Variants in STRN3 observed in about 807,000 individuals in gnomAD.
STRN3 encodes striatin-3.
Under a neutral mutation model 95.6 loss-of-function variants are expected in STRN3, and 29 were observed. The observed-to-expected ratio is 0.30, with a 90% CI of 0.23 to 0.41. STRN3 has a LOEUF of 0.41. Among genes scored for constraint, STRN3 ranks in the 10% least tolerant of loss-of-function variants. The probability of loss-of-function intolerance (pLI) is 1.00; values close to 1 mark genes in which losing one functional copy is unlikely to be tolerated. For synonymous variants in STRN3, 331 were observed against 357.6 expected (o/e 0.93, Z 0.84); for missense variants, 890 against 972.1 (o/e 0.92, Z 1.12).
chr14:31,017,123 C>CA (rs1883275811), intron 1 of STRN3, among the ~76,000 whole-genome samples: 1 of 152,076 alleles, frequency 6.6e-6, no homozygotes, highest in South Asian at 2.1e-4. Flanking sequence ...TACTGCACTC[C>CA]AGCCTGGGTG....
At position 30,919,005 on chromosome 14, in the gene STRN3, T is replaced by C. The variant is rs371798529; in HGVS notation, c.1201A>G (p.Thr401Ala). Residue 401 changes from threonine to alanine, a missense_variant, in exon 9 of 18, where the codon ACT becomes GCT. This residue lies in a region of STRN3 where 526 missense variants were observed against 526.3 expected (regional missense o/e 1.00). Transcript: ENST00000357479. ...GCACCTTCATGATCAGTCATTCTAG[T>C]AGAGGCTGACCTAGACTGATTAATG... Reference protein sequence around the residue: ...GIINQSRSASTRMTDHEGARA... With the variant: ...GIINQSRSASARMTDHEGARA... 4 of 1,606,402 alleles carry C rather than the reference T, an allele frequency of 2.5e-6. No homozygotes were observed. In the African/African-American group the frequency reaches 4.0e-5, roughly 16 times the overall value.
chr14:31,013,890 ATTATTATTATT>A (rs1474246320), intron 1 of STRN3, among the ~76,000 whole-genome samples: 3 of 96,418 alleles, frequency 3.1e-5, no homozygotes, highest in Non-Finnish European at 7.9e-5. Flanking sequence ...TATTATTATT[ATTATTATTATT>A]ATTATTATTA....
intron 12 of STRN3, among the ~76,000 whole-genome samples, chr14:30,911,523 G>A (rs755623526): frequency 2.0e-5 from 3 of 151,974 alleles, no homozygotes; most frequent in South Asian, 2.1e-4. Context: ...GGCTGGTCTC[G>A]AACTCCTGAC....
At chr14:30,901,299 TA>T (rs1174752913) in intron 16 of STRN3, among the ~76,000 whole-genome samples, 13 of 151,620 alleles carry the variant, frequency 8.6e-5, no homozygotes, top group Admixed American at 2.6e-4. Context: ...AAAATTTAAA[TA>T]TTTTTTTTAA....
intron 3 of STRN3, among the ~76,000 whole-genome samples, chr14:30,952,126 A>AC (rs201364086): frequency 0.012 from 1,890 of 151,510 alleles, 90 homozygotes; most frequent in Admixed American, 0.082. Context: ...TTAAACAACA[A>AC]AAAAAAAGAG....
intron 5 of STRN3, among the ~76,000 whole-genome samples, chr14:30,944,890 G>A (rs949206436): frequency 1.1e-4 from 16 of 152,042 alleles, no homozygotes; most frequent in African/African-American, 3.6e-4. Flanking sequence ...TGGGATTACA[G>A]ACATGAGCTA....
chr14:30,956,384 G>A lies in STRN3; in HGVS notation c.283-142C>T, dbSNP rs935833304. 5 of 746,652 alleles carry A rather than the reference G, an allele frequency of 6.7e-6. No individual in the cohort carries two copies. In the African/African-American group the frequency reaches 8.8e-5, roughly 13 times the overall value. The allele number at this position is 746,652 out of a possible 1,614,324, so 46.3% of individuals were successfully genotyped here. On this transcript the variant is annotated intron_variant, in intron 1 of 17. Coordinates refer to ENST00000357479, the MANE Select transcript of STRN3 (RefSeq NM_001083893.2). ...AATTCATAAAAACGGGCCAGGCAATGGCTCACACCTGTAATCTCAGCACTT... is the reference window on the plus strand; with the variant it reads ...AATTCATAAAAACGGGCCAGGCAATAGCTCACACCTGTAATCTCAGCACTT...
At position 30,977,797 on chromosome 14, in the gene STRN3, A is replaced by G. The variant is rs1229382966; in HGVS notation, c.283-21555T>C. On this transcript the variant is annotated intron_variant, in intron 1 of 17. Coordinates refer to ENST00000357479, the MANE Select transcript of STRN3 (RefSeq NM_001083893.2). Reference sequence around the variant, plus strand: ...AAACAAAACAAGACTCTATCTCGAAAAAAAAAAAAAAAAAAAAAAACATGA... The same window carrying G: ...AAACAAAACAAGACTCTATCTCGAAGAAAAAAAAAAAAAAAAAAAACATGA... Among the ~76,000 whole-genome samples the G allele has an allele frequency of 2.9e-3, 429 of 146,946 alleles. 8 individuals are homozygous for G. The highest frequency in any genetic ancestry group is 9.6e-3 in the African/African-American group (378 of 39,182).
intron 8 of STRN3, among the ~76,000 whole-genome samples, chr14:30,926,812 A>G (rs1481631831): frequency 6.6e-6 from 1 of 152,210 alleles, no homozygotes; most frequent in African/African-American, 2.4e-5. Flanking sequence ...GCCTTAAGTT[A>G]TGAATTTGGG....
At chr14:31,022,102 G>A (rs938272210) in intron 1 of STRN3, among the ~76,000 whole-genome samples, 7 of 152,120 alleles carry the variant, frequency 4.6e-5, no homozygotes, top group Admixed American at 1.3e-4. Flanking sequence ...ACTGTCGGCC[G>A]GGCGCGGTGG....
chr14:30,967,860 C>G (rs540991938), intron 1 of STRN3, among the ~76,000 whole-genome samples: 1 of 152,164 alleles, frequency 6.6e-6, no homozygotes, highest in African/African-American at 2.4e-5. Context: ...AATTACCATA[C>G]AAAGATCCGA....
intron 1 of STRN3, among the ~76,000 whole-genome samples, chr14:31,021,558 T>C (rs1883506833): frequency 6.6e-6 from 1 of 152,154 alleles, no homozygotes; most frequent in Admixed American, 6.5e-5. Context: ...AAAAATCTGA[T>C]TCTGAATATA....
chr14:30,972,439 C>T (rs540777310), intron 1 of STRN3, among the ~76,000 whole-genome samples: 3 of 152,274 alleles, frequency 2.0e-5, no homozygotes, highest in South Asian at 2.1e-4. Flanking sequence ...TCCAAGTGTA[C>T]GTTCACCATT....
rs368652362 is a variant in STRN3, at chr14:30,911,632, C to G, written c.1598+145G>C. On this transcript the variant is annotated intron_variant, in intron 12 of 17. Transcript: ENST00000357479. ...TGGTACTATTATATTCATAGTCTCA[C>G]CAATACAATTATTAAATAGCTATTA... 120 of 750,144 alleles carry G rather than the reference C, an allele frequency of 1.6e-4. No homozygotes were observed. In the East Asian group the frequency reaches 2.5e-3, roughly 16 times the overall value. 46.5% of individuals were successfully genotyped at this position (750,144 alleles called of 1,614,324 possible). A position where few individuals can be genotyped will look rare whatever the true frequency, so the allele number is the denominator to read the frequency against.
In STRN3 at chr14:30,992,438, G is replaced by A. The variant is rs376082389; in HGVS notation, c.282+33466C>T. Among the ~76,000 whole-genome samples, 40 of 151,110 alleles carry A rather than the reference G, an allele frequency of 2.6e-4. No individual in the cohort carries two copies. The East Asian group carries it at 7.2e-3, about 27-fold the overall frequency. On this transcript the variant is annotated intron_variant, in intron 1 of 17. Transcript: ENST00000357479. ...AAAAGAAAAGGAAAGAAAAGAAAAA[G>A]AAGTAAGTGTCTTGCTGTTGCCCAG...
chr14:30,969,393 C>T (rs1415930940), intron 1 of STRN3, among the ~76,000 whole-genome samples: 13 of 151,750 alleles, frequency 8.6e-5, no homozygotes, highest in Non-Finnish European at 1.8e-4. Flanking sequence ...GCTGAGATCG[C>T]GCCACTGCAC....
chr14:30,902,556 T>G lies in STRN3; in HGVS notation c.2117A>C (p.Lys706Thr), dbSNP rs773294611. 4 of 1,600,240 alleles carry G rather than the reference T, an allele frequency of 2.5e-6. No individual in the cohort carries two copies. Among genetic ancestry groups the G allele is most frequent in the Non-Finnish European group, 3.4e-6 (4 of 1,175,040 alleles). ...TITAHEDRHI[K>T]FFDNKTGKMI... is the part of the protein sequence containing the mutation. ...CTTACCCGTTTTATTGTCAAAAAAT[T>G]TGATGTGTCTATCTTCATGAGCAGT... The change falls in exon 16 of 18, where the codon AAA (lysine) becomes ACA (threonine). Residue 706 changes from lysine to threonine, a missense_variant. Physicochemically the swap from Lys to Thr is moderately conservative, Grantham distance 78. Transcript: ENST00000357479.
intron 15 of STRN3, 132 bp from the exon 16 acceptor site, chr14:30,902,775 G>A: frequency 1.6e-6 from 1 of 622,036 alleles, no homozygotes; most frequent in Non-Finnish European, 2.7e-6. Context: ...AAAAATCTGA[G>A]AACCAAACAA....
intron 5 of STRN3, among the ~76,000 whole-genome samples, chr14:30,938,407 A>C (rs966856957): frequency 6.6e-6 from 1 of 152,220 alleles, no homozygotes; most frequent in Non-Finnish European, 1.5e-5. Flanking sequence ...CAAAAGTAGC[A>C]TATCAATGAT....
Sources: allele counts gnomAD v4.1 joint callset (sites outside exome capture counted in the v4.1 genomes callset), GRCh38; gene constraint gnomAD v4.1.1; regional missense constraint gnomAD v4.1.1; transcripts MANE v1.5; gene names NCBI Gene and HGNC (gene_info 2026-07-23, HGNC 2026-07-21).